STAU2: variants seen among roughly 807,000 people sequenced by gnomAD.
STAU2 encodes the protein staufen double-stranded RNA binding protein 2, also known as double-stranded RNA-binding protein Staufen homolog 2.
In STAU2, 20 loss-of-function variants were observed where a neutral mutation model predicts 65.9. That is an observed-to-expected ratio of 0.30 (90% confidence interval 0.21 to 0.44). The LOEUF (loss-of-function observed/expected upper bound fraction) is 0.44, where lower values mean the gene tolerates loss of function less well. STAU2 is among the 20% of genes least tolerant of loss of function. The probability of loss-of-function intolerance (pLI) is 1.00; values close to 1 mark genes in which losing one functional copy is unlikely to be tolerated. For missense variants in STAU2, 558 were observed against 683.9 expected (o/e 0.82, Z 2.05); for synonymous variants, 232 against 233.9 (o/e 0.99, Z 0.07).
At chr8:73,710,872 T>A (rs550423393) in intron 3 of STAU2, among the ~76,000 whole-genome samples, 1 of 151,972 alleles carries the variant, frequency 6.6e-6, no homozygotes, top group Non-Finnish European at 1.5e-5. Context: ...ATGGCTGGCT[T>A]TAGGAACTTC....
At chr8:73,661,879 A>G (rs1816857854) in intron 6 of STAU2, among the ~76,000 whole-genome samples, 2 of 152,210 alleles carry the variant, frequency 1.3e-5, no homozygotes, top group Non-Finnish European at 2.9e-5. Context: ...TATTATAAAG[A>G]AAAATGCTAC....
At chr8:73,422,133 T>C (rs1816426930) in intron 14 of STAU2, among the ~76,000 whole-genome samples, 2 of 152,200 alleles carry the variant, frequency 1.3e-5, no homozygotes, top group African/African-American at 4.8e-5. Context: ...TTTGTGGCAA[T>C]GTGTGCTGGT....
At chr8:73,707,545 T>G (rs1161463197) in intron 4 of STAU2, among the ~76,000 whole-genome samples, 1 of 151,934 alleles carries the variant, frequency 6.6e-6, no homozygotes, top group Non-Finnish European at 1.5e-5. Flanking sequence ...AGAGTGAAAG[T>G]GAGCCATAAG....
intron 13 of STAU2, among the ~76,000 whole-genome samples, chr8:73,472,948 A>T (rs190575963): frequency 1.3e-5 from 2 of 152,356 alleles, no homozygotes; most frequent in Admixed American, 1.3e-4. Context: ...CTCAGTTATG[A>T]AGGGGAAATG....
chr8:73,564,484 CGAAGGGT>C (rs1212616936), intron 12 of STAU2, among the ~76,000 whole-genome samples: 1 of 151,742 alleles, frequency 6.6e-6, no homozygotes, highest in East Asian at 1.9e-4. Flanking sequence ...TGGAGCCTAT[CGAAGGGT>C]GAAGGGTGGA....
At chr8:73,667,261 G>T (rs1416238833) in intron 6 of STAU2, among the ~76,000 whole-genome samples, 1 of 151,926 alleles carries the variant, frequency 6.6e-6, no homozygotes, top group African/African-American at 2.4e-5. Context: ...TATTGCCAAA[G>T]CAATATTCCT....
chr8:73,551,284 A>T, intron 13 of STAU2: 1 of 987,484 alleles, frequency 1.0e-6, no homozygotes, highest in Middle Eastern at 2.8e-4. Flanking sequence ...GGGGAAAAAA[A>T]GTTTCCATCC....
At chr8:73,653,759 C>G (rs1816085260) in intron 6 of STAU2, 1 of 240,256 alleles carries the variant, frequency 4.2e-6, no homozygotes, top group African/African-American at 2.4e-5. Context: ...GTGTTAGGAA[C>G]CACTTAGGTA....
chr8:73,737,367 C>T (rs1806508801), intron 3 of STAU2, among the ~76,000 whole-genome samples: 1 of 151,890 alleles, frequency 6.6e-6, no homozygotes, highest in African/African-American at 2.4e-5. Flanking sequence ...GACGGGGTTT[C>T]CCCATGTTGG....
At chr8:73,432,980 C>A (rs1166730306) in intron 13 of STAU2, among the ~76,000 whole-genome samples, 1 of 152,132 alleles carries the variant, frequency 6.6e-6, no homozygotes, top group Non-Finnish European at 1.5e-5. Flanking sequence ...AAATCACAGA[C>A]CTAGCCACTG....
chr8:73,637,191 CAGAA>C (rs1814588458), intron 6 of STAU2, among the ~76,000 whole-genome samples: 1 of 150,488 alleles, frequency 6.6e-6, no homozygotes, highest in East Asian at 1.9e-4. Flanking sequence ...AAAGGTCTAA[CAGAA>C]GGAGAGGAGG....
chr8:73,647,538 A>T (rs1563479786), intron 6 of STAU2, among the ~76,000 whole-genome samples: 1 of 152,064 alleles, frequency 6.6e-6, no homozygotes, highest in Non-Finnish European at 1.5e-5. Flanking sequence ...TAGTTAAGGG[A>T]CAACATAAGG....
At chr8:73,495,673 A>C (rs1001482807) in intron 13 of STAU2, among the ~76,000 whole-genome samples, 2 of 147,564 alleles carry the variant, frequency 1.4e-5, no homozygotes, top group Non-Finnish European at 1.5e-5. Context: ...ATATATATAT[A>C]TATATATATA....
intron 6 of STAU2, among the ~76,000 whole-genome samples, chr8:73,654,183 C>G (rs1816117274): frequency 6.6e-6 from 1 of 152,016 alleles, no homozygotes. Context: ...GTGCTGCCCT[C>G]TAATGGTTCA....
intron 13 of STAU2, among the ~76,000 whole-genome samples, chr8:73,533,644 C>G (rs1326144839): frequency 6.6e-6 from 1 of 152,054 alleles, no homozygotes; most frequent in South Asian, 2.1e-4. Flanking sequence ...ACCTGTAATC[C>G]CAGCACTTTA....
intron 6 of STAU2, chr8:73,651,431 A>T: frequency 1.5e-6 from 1 of 665,582 alleles, no homozygotes; most frequent in Non-Finnish European, 2.8e-6. Flanking sequence ...CTGGTTTCAA[A>T]ATCGCCGCAT....
At chr8:73,442,808 A>C (rs1818258853) in intron 13 of STAU2, among the ~76,000 whole-genome samples, 1 of 152,206 alleles carries the variant, frequency 6.6e-6, no homozygotes, top group South Asian at 2.1e-4. Flanking sequence ...GCATTTCCTA[A>C]TATGTATTAC....
At chr8:73,633,760 C>A (rs1814279627) in intron 6 of STAU2, among the ~76,000 whole-genome samples, 1 of 152,134 alleles carries the variant, frequency 6.6e-6, no homozygotes, top group African/African-American at 2.4e-5. Flanking sequence ...GCGGCTGGAT[C>A]ACCTGAGGCC....
chr8:73,662,905 C>T (rs915071907), intron 6 of STAU2, among the ~76,000 whole-genome samples: 4 of 152,022 alleles, frequency 2.6e-5, no homozygotes, highest in Admixed American at 6.6e-5. Context: ...CATGAGCCAC[C>T]GCGCCCAGCC....
Sources: gnomAD v4.1 joint callset for allele counts (sites outside exome capture counted in the v4.1 genomes callset) on GRCh38, gnomAD v4.1.1 for gene constraint, MANE v1.5 for transcripts, NCBI Gene and HGNC (gene_info 2026-07-23, HGNC 2026-07-21) for gene names.